The following WDFY4 variants were observed in gnomAD, a reference collection of about 807,000 sequenced individuals.
The protein encoded by WDFY4 is WD repeat- and FYVE domain-containing protein 4.
In WDFY4, 169 loss-of-function variants were observed where a neutral mutation model predicts 351.9. The ratio of observed to expected loss-of-function variants is 0.48; its 90% CI spans 0.42 to 0.55. WDFY4 has a LOEUF of 0.55. WDFY4 is among the 20% of genes least tolerant of loss of function. The probability of loss-of-function intolerance (pLI) is 0.00; values close to 1 mark genes in which losing one functional copy is unlikely to be tolerated. For missense variants in WDFY4, 3,803 were observed against 3,935.6 expected (o/e 0.97, Z 0.90); for synonymous variants, 1,622 against 1,574.6 (o/e 1.03, Z -0.71).
chr10:48,803,501 T>C (rs1236210579), intron 25 of WDFY4, 142 bp downstream of exon 25: 2 of 812,950 alleles, frequency 2.5e-6, no homozygotes, highest in Non-Finnish European at 3.9e-6. Flanking sequence ...CAGTGGCTCA[T>C]GCTTGTGGGG....
rs773003359 is a variant in WDFY4 at position 48,976,900 on chromosome 10, C to A, written c.9212C>A (p.Thr3071Asn). ...GCCTGGGGCCCAGAAGGAGCCATAACCTGCTGCTGCCTGATGGAGGGCCCA... is the reference window on the plus strand; with the variant it reads ...GCCTGGGGCCCAGAAGGAGCCATAAACTGCTGCTGCCTGATGGAGGGCCCA... Reference protein sequence around the residue: ...TTAWGPEGAITCCCLMEGPAW... With the variant: ...TTAWGPEGAINCCCLMEGPAW... Residue 3071 changes from threonine (T) to asparagine (N), a missense_variant, in exon 59 of 62, where the codon ACC (threonine) becomes AAC (asparagine). By Grantham distance (65) the Thr-to-Asn change is moderately conservative. Around this residue, in one of 3 missense-constraint regions of WDFY4, gnomAD observed 3,054 missense variants for 3,148.6 expected, o/e 0.97. Coordinates refer to ENST00000325239, the MANE Select transcript of WDFY4 (RefSeq NM_001394531.1). The A allele has an allele frequency of 1.9e-6, 3 of 1,542,008 alleles. No homozygotes were observed. Among genetic ancestry groups the A allele is most frequent in the South Asian group, 2.4e-5 (2 of 82,690 alleles).
Position 48,786,871 on chromosome 10 carries a change from G to T in WDFY4, c.3808+1G>T. ...AACTTCCAAGCTGTGCATGTCCAAG[G>T]TATGGAGTGTTTTGATTTACAATGT... On this transcript the variant is annotated splice_donor_variant, in intron 20 of 61. Coordinates refer to ENST00000325239, the MANE Select transcript of WDFY4 (RefSeq NM_001394531.1). LOFTEE classifies it high-confidence loss of function. The T allele has an allele frequency of 6.5e-7, 1 of 1,550,304 alleles. No individual in the cohort carries two copies. The highest frequency in any genetic ancestry group is 8.7e-7 in the Non-Finnish European group (1 of 1,145,926).
At chr10:48,912,162 G>A (rs1468673603) in intron 47 of WDFY4, among the ~76,000 whole-genome samples, 1 of 152,238 alleles carries the variant, frequency 6.6e-6, no homozygotes, top group Non-Finnish European at 1.5e-5. Flanking sequence ...CAGCTATTGT[G>A]AGGATTGACT....
chr10:48,942,165 A>G lies in WDFY4; in HGVS notation c.7629+317A>G, dbSNP rs560444658. On this transcript the variant is annotated intron_variant, in intron 48 of 61. Coordinates refer to ENST00000325239, the MANE Select transcript of WDFY4 (RefSeq NM_001394531.1). Reference sequence around the variant, plus strand: ...TTTTTAGTAGAGACAGGGTTTCACCATGCTGGCCAGGCTGGTCTTGAACTC... The same window carrying G: ...TTTTTAGTAGAGACAGGGTTTCACCGTGCTGGCCAGGCTGGTCTTGAACTC... Among the ~76,000 whole-genome samples, 229 of 152,228 alleles carry G rather than the reference A, an allele frequency of 1.5e-3. 1 individual carries two copies. The highest frequency in any genetic ancestry group is 3.4e-3 in the Middle Eastern group (1 of 294).
intron 47 of WDFY4, among the ~76,000 whole-genome samples, chr10:48,919,509 T>C (rs949863567): frequency 2.0e-5 from 3 of 152,228 alleles, no homozygotes; most frequent in Non-Finnish European, 2.9e-5. Context: ...TACCATAGAC[T>C]AGTTGGCTTG....
intron 38 of WDFY4, among the ~76,000 whole-genome samples, chr10:48,831,455 A>G (rs1019393304): frequency 6.6e-6 from 1 of 152,192 alleles, no homozygotes; most frequent in South Asian, 2.1e-4. Context: ...ACTGCTCTCA[A>G]CTTACACCTC....
rs2066575224 is a variant in WDFY4 at position 48,788,626 on chromosome 10, A to G, written c.3905A>G (p.Asp1302Gly). 6.4e-7 allele frequency: 1 copy of G among 1,551,756 alleles called. No homozygotes were observed. The highest frequency in any genetic ancestry group is 8.7e-7 in the Non-Finnish European group (1 of 1,146,980). ...IASSSITSVA[D>G]IRNAYNEVDS... is the part of the protein sequence containing the mutation. ...AGCTCCTCTATCACCAGTGTAGCGG[A>G]CATCAGAAATGCTTACAATGAGGTG... Residue 1302 changes from aspartate to glycine, a missense_variant, in exon 21 of 62, where the codon GAC becomes GGC. By Grantham distance (94) the Asp-to-Gly change is moderately conservative. Transcript: ENST00000325239.
intron 43 of WDFY4, among the ~76,000 whole-genome samples, chr10:48,885,101 G>A (rs1033665995): frequency 2.6e-5 from 4 of 151,938 alleles, no homozygotes; most frequent in South Asian, 2.1e-4. Flanking sequence ...GGTGCCCAAC[G>A]GTCGGTTTCT....
At chr10:48,943,654 G>A (rs1203146756) in intron 49 of WDFY4, among the ~76,000 whole-genome samples, 4 of 152,018 alleles carry the variant, frequency 2.6e-5, no homozygotes, top group Admixed American at 6.5e-5. Flanking sequence ...GTGCAAAGGC[G>A]CAATCTCTGC....
In WDFY4 at chr10:48,832,685, C is replaced by T; in HGVS notation, c.6639C>T (p.Ala2213=). 2 of 1,549,364 alleles carry T rather than the reference C, an allele frequency of 1.3e-6. No homozygotes were observed. The highest frequency in any genetic ancestry group is 1.7e-6 in the Non-Finnish European group (2 of 1,145,728). ...TGAAGCTGATGCCCGGGCGGCAGGC[C>T]AAGGACCCTGAGTGCAAGACAGAGG... The part of the protein sequence containing the change: ...SAMKLMPGRQ[A]KDPECKTEDF... Residue 2213 remains alanine (A), a synonymous_variant, in exon 39 of 62, where the codon GCC becomes GCT. Transcript: ENST00000325239.
chr10:48,778,651 C>A lies in WDFY4; in HGVS notation c.3216C>A (p.Phe1072Leu). The A allele has an allele frequency of 6.4e-7, 1 of 1,551,586 alleles. No homozygotes were observed. Among genetic ancestry groups the A allele is most frequent in the Non-Finnish European group, 8.7e-7 (1 of 1,147,018 alleles). The change falls in exon 18 of 62, where the codon TTC becomes TTA. Residue 1072 changes from phenylalanine to leucine, a missense_variant. Phe to Leu is a conservative substitution (Grantham distance 22). Around this residue, in one of 3 missense-constraint regions of WDFY4, gnomAD observed 3,054 missense variants for 3,148.6 expected, o/e 0.97. Coordinates refer to ENST00000325239, the MANE Select transcript of WDFY4 (RefSeq NM_001394531.1). ...TCCCTCCTCCTGGAGGTCTGACCTT[C>A]TCCTGCTGGTTCCTGATCAGCCGGC... ...RPFPPPGGLT[F>L]SCWFLISRHG...
intron 39 of WDFY4, among the ~76,000 whole-genome samples, chr10:48,836,593 T>C (rs1387675631): frequency 6.6e-6 from 1 of 152,256 alleles, no homozygotes; most frequent in Non-Finnish European, 1.5e-5. Context: ...TCCTCTTACC[T>C]ATCTTCATTT....
intron 23 of WDFY4, among the ~76,000 whole-genome samples, chr10:48,791,936 A>G (rs1224700041): frequency 6.6e-6 from 1 of 152,210 alleles, no homozygotes; most frequent in Non-Finnish European, 1.5e-5. Flanking sequence ...CACTGATGCC[A>G]GCTGTAGCCC....
At chr10:48,955,591 A>T (rs1031380848) in intron 51 of WDFY4, among the ~76,000 whole-genome samples, 1 of 152,210 alleles carries the variant, frequency 6.6e-6, no homozygotes, top group Non-Finnish European at 1.5e-5. Flanking sequence ...CAGTTCTGCC[A>T]TTCACTGCCT....
At position 48,821,142 on chromosome 10, in the gene WDFY4, C is replaced by T; in HGVS notation, c.5790C>T (p.His1930=). Residue 1930 remains histidine (H), a synonymous_variant, in exon 34 of 62, where the codon CAC becomes CAT. Transcript: ENST00000325239. ...EVLLSAMELF[H]MTSGGDAAMF... is the part of the protein sequence containing the mutation. ...TGCTTTCTGCTATGGAACTATTCCA[C>T]ATGACAAGTGGAGGTGATGCAGCGA... 2 of 1,551,664 alleles carry T rather than the reference C, an allele frequency of 1.3e-6. No homozygotes were observed. The highest frequency in any genetic ancestry group is 1.7e-6 in the Non-Finnish European group (2 of 1,146,950).
At chr10:48,812,259 G>A (rs1156509707) in intron 30 of WDFY4, among the ~76,000 whole-genome samples, 10 of 143,024 alleles carry the variant, frequency 7.0e-5, no homozygotes, top group East Asian at 4.0e-4. Context: ...GCGTGATCTC[G>A]GCTCACTGCA....
At chr10:48,902,034 T>C (rs1390861915) in intron 47 of WDFY4, among the ~76,000 whole-genome samples, 171 bp downstream of exon 47, 3 of 152,248 alleles carry the variant, frequency 2.0e-5, no homozygotes, top group Admixed American at 6.5e-5. Flanking sequence ...AAATTCCTTC[T>C]GCCAGTTAAA....
At chr10:48,784,281 A>C (rs2066321577) in intron 19 of WDFY4, among the ~76,000 whole-genome samples, 1 of 152,194 alleles carries the variant, frequency 6.6e-6, no homozygotes, top group Non-Finnish European at 1.5e-5. Context: ...TTCGAAAATG[A>C]TTGTATCATT....
chr10:48,724,870 A>G (rs1217209881), intron 5 of WDFY4, among the ~76,000 whole-genome samples: 2 of 152,192 alleles, frequency 1.3e-5, no homozygotes, highest in African/African-American at 4.8e-5. Context: ...GCTGGAGTGC[A>G]GTAGTTAGCA....
Sources: gnomAD v4.1 joint callset for allele counts (sites outside exome capture counted in the v4.1 genomes callset) on GRCh38, gnomAD v4.1.1 for gene constraint, gnomAD v4.1.1 regional missense constraint, MANE v1.5 for transcripts, NCBI Gene and HGNC (gene_info 2026-07-23, HGNC 2026-07-21) for gene names.